ACOXL: variants seen among roughly 807,000 people sequenced by gnomAD.
ACOXL encodes the protein acyl-CoA oxidase like.
ACOXL carries 70 observed loss-of-function variants against 71.9 expected under a neutral mutation model. The observed-to-expected ratio is 0.97, with a 90% CI of 0.80 to 1.19. The LOEUF (loss-of-function observed/expected upper bound fraction) is 1.19. Ranked by LOEUF, ACOXL falls within the 50% of genes most tolerant of loss-of-function variation. The pLI, the probability that ACOXL is intolerant of heterozygous loss-of-function variation, is 0.00. For synonymous variants in ACOXL, 253 were observed against 281.6 expected (o/e 0.90, Z 1.02); for missense variants, 703 against 736.3 (o/e 0.95, Z 0.52).
intron 12 of ACOXL, chr2:110,963,711 C>T: frequency 1.2e-6 from 2 of 1,613,774 alleles, no homozygotes; most frequent in Non-Finnish European, 1.7e-6. Flanking sequence ...TGTTATGCTT[C>T]AGGTAAGATT....
chr2:110,923,892 C>G (rs1038164963), intron 11 of ACOXL, among the ~76,000 whole-genome samples: 1 of 151,072 alleles, frequency 6.6e-6, no homozygotes, highest in Non-Finnish European at 1.5e-5. Flanking sequence ...GCTGAGAACA[C>G]ACCATTGTCA....
intron 10 of ACOXL, among the ~76,000 whole-genome samples, chr2:110,864,256 C>T (rs1329225747): frequency 2.0e-5 from 3 of 152,266 alleles, no homozygotes; most frequent in East Asian, 1.9e-4. Context: ...GGAACATTTT[C>T]TGCTGAATGA....
chr2:110,825,927 G>A (rs541417845), intron 9 of ACOXL, among the ~76,000 whole-genome samples: 30 of 152,196 alleles, frequency 2.0e-4, no homozygotes, highest in Non-Finnish European at 3.7e-4. Flanking sequence ...GGAGGAAGGT[G>A]TGGAGGAGAG....
intron 16 of ACOXL, among the ~76,000 whole-genome samples, chr2:111,050,781 C>T (rs1574607665): frequency 6.6e-6 from 1 of 152,358 alleles, no homozygotes; most frequent in East Asian, 1.9e-4. Context: ...TAGTGGTCCT[C>T]ATGGCCTCCC....
chr2:110,953,718 G>A (rs1280498574), intron 12 of ACOXL, among the ~76,000 whole-genome samples: 2 of 152,156 alleles, frequency 1.3e-5, no homozygotes, highest in Admixed American at 1.3e-4. Flanking sequence ...TTAACTCACA[G>A]TTCCACAGGC....
At chr2:110,817,081 G>C (rs1020482038) in intron 9 of ACOXL, among the ~76,000 whole-genome samples, 2 of 152,210 alleles carry the variant, frequency 1.3e-5, no homozygotes, top group Non-Finnish European at 2.9e-5. Flanking sequence ...GGCACACAGG[G>C]GGCCCTCAGT....
At chr2:110,734,415 A>C (rs1238981996) in intron 1 of ACOXL, among the ~76,000 whole-genome samples, 1 of 151,906 alleles carries the variant, frequency 6.6e-6, no homozygotes, top group Non-Finnish European at 1.5e-5. Context: ...GATTACAGGC[A>C]CCCACCACCA....
At chr2:110,840,681 T>A (rs570680532) in intron 9 of ACOXL, among the ~76,000 whole-genome samples, 2 of 152,294 alleles carry the variant, frequency 1.3e-5, no homozygotes, top group African/African-American at 4.8e-5. Flanking sequence ...TTCCTCATCA[T>A]CCCTGCAGAG....
intron 12 of ACOXL, among the ~76,000 whole-genome samples, chr2:110,951,857 T>C (rs921295624): frequency 6.6e-6 from 1 of 152,248 alleles, no homozygotes; most frequent in Non-Finnish European, 1.5e-5. Context: ...TGTGTGTGTA[T>C]TTAAAAAGCT....
chr2:110,834,190 A>G (rs1053719807), intron 9 of ACOXL, among the ~76,000 whole-genome samples: 1 of 152,116 alleles, frequency 6.6e-6, no homozygotes, highest in African/African-American at 2.4e-5. Context: ...AATAATCAAT[A>G]GTGGTATTTA....
At position 110,917,289 on chromosome 2, in the gene ACOXL, C is replaced by A. The variant is rs531378686; in HGVS notation, c.905+8384C>A. ...AACATAATCCATCACATAAACCGAA[C>A]CAATGACAAAAACCACATGATTATC... On this transcript the variant is annotated intron_variant, in intron 11 of 17. Transcript: ENST00000439055. Among the ~76,000 whole-genome samples the A allele has an allele frequency of 3.9e-5, 6 of 152,282 alleles. No homozygotes were observed. The South Asian group carries it at 1.2e-3, about 32-fold the overall frequency.
chr2:110,760,452 A>G (rs1032343294), intron 1 of ACOXL, among the ~76,000 whole-genome samples: 1 of 152,200 alleles, frequency 6.6e-6, no homozygotes, highest in Non-Finnish European at 1.5e-5. Context: ...CCAATATTAT[A>G]GCTAGTTATA....
chr2:110,969,801 A>T (rs957055606), intron 12 of ACOXL, among the ~76,000 whole-genome samples: 5 of 142,242 alleles, frequency 3.5e-5, no homozygotes, highest in Admixed American at 3.0e-4. Flanking sequence ...ACAGAGTGAG[A>T]CTTTGTCTCA....
chr2:110,785,476 CAGAA>C (rs1482166618), intron 3 of ACOXL, among the ~76,000 whole-genome samples: 2 of 151,526 alleles, frequency 1.3e-5, no homozygotes, highest in Non-Finnish European at 2.9e-5. Flanking sequence ...GTTCCATCAT[CAGAA>C]AGAAACTTCC....
At chr2:110,765,537 T>G (rs1680939170) in intron 1 of ACOXL, among the ~76,000 whole-genome samples, 1 of 152,234 alleles carries the variant, frequency 6.6e-6, no homozygotes, top group African/African-American at 2.4e-5. Context: ...TAGTCTAAAA[T>G]AAAATATCTT....
intron 7 of ACOXL, among the ~76,000 whole-genome samples, chr2:110,800,292 A>G (rs1284140979): frequency 1.3e-5 from 2 of 152,202 alleles, no homozygotes; most frequent in Non-Finnish European, 2.9e-5. Context: ...GATTTGTTCT[A>G]GGACTGTGTC....
chr2:110,895,683 GA>G (rs1224540402), intron 10 of ACOXL, among the ~76,000 whole-genome samples: 1 of 151,608 alleles, frequency 6.6e-6, no homozygotes, highest in Non-Finnish European at 1.5e-5. Context: ...GAGAGAGAGA[GA>G]GAAACAATTG....
intron 12 of ACOXL, among the ~76,000 whole-genome samples, chr2:110,950,344 C>T (rs573859487): frequency 6.6e-6 from 1 of 152,156 alleles, no homozygotes; most frequent in South Asian, 2.1e-4. Context: ...GTAAAACTGA[C>T]CTTCATCACT....
chr2:110,901,945 T>C (rs1467921911), intron 10 of ACOXL, among the ~76,000 whole-genome samples: 5 of 151,852 alleles, frequency 3.3e-5, no homozygotes, highest in African/African-American at 1.2e-4. Context: ...GAGAATTGCT[T>C]GAACCCGGGA....
Sources: gnomAD v4.1 joint callset for allele counts (sites outside exome capture counted in the v4.1 genomes callset) on GRCh38, gnomAD v4.1.1 for gene constraint, MANE v1.5 for transcripts, NCBI Gene and HGNC (gene_info 2026-07-23, HGNC 2026-07-21) for gene names.